Variants in ATP8A2 observed in about 807,000 individuals in gnomAD.
ATP8A2 encodes ATPase phospholipid transporting 8A2.
A neutral mutation model predicts 165.6 loss-of-function variants in ATP8A2; 100 were observed. That is an observed-to-expected ratio of 0.60 (90% CI 0.51 to 0.71). The LOEUF (loss-of-function observed/expected upper bound fraction) is 0.71. ATP8A2 is among the 30% of genes least tolerant of loss of function. ATP8A2 has a pLI of 0.00. For synonymous variants in ATP8A2, 543 were observed against 548.8 expected, an observed-to-expected ratio of 0.99 and a Z score of 0.15; for missense variants, 1,227 against 1,479.5, an observed-to-expected ratio of 0.83 and a Z score of 2.80.
At chr13:25,402,970 A>C (rs1411204696) in intron 1 of ATP8A2, among the ~76,000 whole-genome samples, 2 of 152,166 alleles carry the variant, frequency 1.3e-5, no homozygotes, top group African/African-American at 4.8e-5. Flanking sequence ...CATCACATGC[A>C]AGAGATAGAA....
intron 24 of ATP8A2, among the ~76,000 whole-genome samples, chr13:25,592,731 G>A (rs1279618399): frequency 6.6e-6 from 1 of 152,102 alleles, no homozygotes; most frequent in Non-Finnish European, 1.5e-5. Context: ...TATATCAGAT[G>A]TTTTCTGGAG....
At chr13:25,965,441 C>T (rs144856585) in intron 34 of ATP8A2, among the ~76,000 whole-genome samples, 185 of 152,274 alleles carry the variant, frequency 1.2e-3, no homozygotes, top group East Asian at 4.8e-3. Context: ...AAAATGCCTA[C>T]GCTATTATCC....
chr13:25,407,042 C>G (rs2138043698), intron 1 of ATP8A2, among the ~76,000 whole-genome samples: 1 of 152,284 alleles, frequency 6.6e-6, no homozygotes, highest in South Asian at 2.1e-4. Flanking sequence ...TTTTAAGGGC[C>G]ACTTAAAGAT....
At chr13:25,387,992 G>A (rs916314855) in intron 1 of ATP8A2, among the ~76,000 whole-genome samples, 3 of 152,084 alleles carry the variant, frequency 2.0e-5, no homozygotes, top group Non-Finnish European at 4.4e-5. Flanking sequence ...GAGCCTGGGA[G>A]GCAGAGGCTG....
intron 33 of ATP8A2, among the ~76,000 whole-genome samples, chr13:25,901,459 T>C (rs1232800932): frequency 6.6e-6 from 1 of 150,680 alleles, no homozygotes; most frequent in Non-Finnish European, 1.5e-5. Context: ...TGTGCACCCA[T>C]GTCTAGGAAT....
chr13:25,436,247 A>C (rs527616166), intron 1 of ATP8A2, among the ~76,000 whole-genome samples: 2 of 152,142 alleles, frequency 1.3e-5, no homozygotes, highest in Non-Finnish European at 2.9e-5. Context: ...CCCAGTAGGC[A>C]GTTCCTCAGC....
At chr13:25,636,363 C>A (rs148103209) in intron 24 of ATP8A2, among the ~76,000 whole-genome samples, 1 of 152,256 alleles carries the variant, frequency 6.6e-6, no homozygotes, top group East Asian at 1.9e-4. Flanking sequence ...TAAGTTTTAA[C>A]AACTACTTTT....
chr13:25,858,606 T>C (rs1010529096), intron 30 of ATP8A2, among the ~76,000 whole-genome samples: 6 of 152,192 alleles, frequency 3.9e-5, no homozygotes, highest in Admixed American at 1.3e-4. Context: ...TATGCTGTTT[T>C]AGGAAAATAA....
intron 10 of ATP8A2, among the ~76,000 whole-genome samples, chr13:25,550,133 C>T (rs2038774952): frequency 1.3e-5 from 2 of 152,014 alleles, no homozygotes; most frequent in South Asian, 4.2e-4. Flanking sequence ...GGTGAAACCC[C>T]ATCTCTACTA....
At chr13:25,997,234 G>T (rs1204175282) in intron 35 of ATP8A2, among the ~76,000 whole-genome samples, 3 of 152,140 alleles carry the variant, frequency 2.0e-5, no homozygotes, top group African/African-American at 7.2e-5. Context: ...TTTTCACTGG[G>T]TTGACAGTTC....
At chr13:25,969,879 A>G (rs1404214938) in intron 35 of ATP8A2, among the ~76,000 whole-genome samples, 1 of 152,190 alleles carries the variant, frequency 6.6e-6, no homozygotes, top group Non-Finnish European at 1.5e-5. Context: ...ATGTACATAT[A>G]ACCACTACGC....
At chr13:25,888,903 G>A (rs1360042372) in intron 33 of ATP8A2, among the ~76,000 whole-genome samples, 1 of 151,986 alleles carries the variant, frequency 6.6e-6, no homozygotes, top group Non-Finnish European at 1.5e-5. Context: ...TTGTATAGAA[G>A]GAAATTTTAT....
intron 1 of ATP8A2, among the ~76,000 whole-genome samples, chr13:25,377,358 G>A (rs2032668914): frequency 6.6e-6 from 1 of 152,208 alleles, no homozygotes; most frequent in Non-Finnish European, 1.5e-5. Context: ...TCCATGCCTT[G>A]GGAGTTTCTC....
intron 35 of ATP8A2, among the ~76,000 whole-genome samples, chr13:25,985,383 T>C (rs1360114456): frequency 6.6e-6 from 1 of 152,222 alleles, no homozygotes; most frequent in Non-Finnish European, 1.5e-5. Flanking sequence ...CCCACGCATA[T>C]ACTCATGGTT....
chr13:25,707,952 C>T (rs866256626), intron 25 of ATP8A2, among the ~76,000 whole-genome samples: 4 of 152,270 alleles, frequency 2.6e-5, no homozygotes, highest in Middle Eastern at 3.4e-3. Context: ...CCCATCCATC[C>T]GCTCTGCAGC....
rs145646693 is a variant in ATP8A2 at position 25,436,940 on chromosome 13, C to A, written c.77-32037C>A. On this transcript the variant is annotated intron_variant, in intron 1 of 36. Coordinates refer to ENST00000381655, the MANE Select transcript of ATP8A2 (RefSeq NM_016529.6). ...TACAGGTGCCCACCACCATGCCCAG[C>A]TAATTTTTGTATTTTTTGTAGAGAT... Among the ~76,000 whole-genome samples the A allele has an allele frequency of 6.5e-3, 993 of 152,166 alleles. 9 individuals are homozygous for A. The highest frequency in any genetic ancestry group is 0.017 in the Middle Eastern group (5 of 294).
intron 25 of ATP8A2, among the ~76,000 whole-genome samples, chr13:25,726,217 C>A (rs966701764): frequency 6.6e-6 from 1 of 152,094 alleles, no homozygotes; most frequent in Non-Finnish European, 1.5e-5. Flanking sequence ...AACTAGGGTA[C>A]CCTTGCTGAG....
At chr13:25,615,472 G>A (rs1008290716) in intron 24 of ATP8A2, among the ~76,000 whole-genome samples, 9 of 152,256 alleles carry the variant, frequency 5.9e-5, no homozygotes, top group South Asian at 4.1e-4. Context: ...CCAGCCTCTC[G>A]CTGAGAGGGT....
intron 33 of ATP8A2, among the ~76,000 whole-genome samples, chr13:25,959,279 A>C (rs1433439015): frequency 6.6e-6 from 1 of 152,202 alleles, no homozygotes; most frequent in Non-Finnish European, 1.5e-5. Context: ...GAGATACACA[A>C]AGAGATATGA....
Sources: gnomAD v4.1 joint callset for allele counts (sites outside exome capture counted in the v4.1 genomes callset) on GRCh38, gnomAD v4.1.1 for gene constraint, MANE v1.5 for transcripts, NCBI Gene and HGNC (gene_info 2026-07-23, HGNC 2026-07-21) for gene names.